NOP9: variants seen among roughly 807,000 people sequenced by gnomAD.
NOP9 encodes nucleolar protein 9.
Under a neutral mutation model 63.0 loss-of-function variants are expected in NOP9, and 50 were observed. That is an observed-to-expected ratio of 0.79 (90% confidence interval 0.63 to 1.00). NOP9 has a LOEUF of 1.00. NOP9 is among the 50% of genes least tolerant of loss of function. The pLI is 0.00. For synonymous variants in NOP9, 343 were observed against 332.8 expected (o/e 1.03, Z -0.33); for missense variants, 758 against 803.0 (o/e 0.94, Z 0.68).
At position 24,304,544 on chromosome 14, in the gene NOP9, G is replaced by A; in HGVS notation, c.1699G>A (p.Ala567Thr). 6.2e-7 allele frequency: 1 copy of A among 1,613,854 alleles called. No individual in the cohort carries two copies. Among genetic ancestry groups the A allele is most frequent in the Non-Finnish European group, 8.5e-7 (1 of 1,179,932 alleles). The part of the protein sequence containing the change: ...CSRHGSRVLD[A>T]IWSGAALRAR... ...TCGCCATGGCAGCCGTGTGCTAGATGCCATCTGGAGTGGAGCAGCCTTGAG... is the reference window on the plus strand; with the variant it reads ...TCGCCATGGCAGCCGTGTGCTAGATACCATCTGGAGTGGAGCAGCCTTGAG... The change falls in exon 9 of 10, where the codon GCC becomes ACC. Residue 567 changes from alanine (A) to threonine (T), a missense_variant. Ala to Thr is a moderately conservative substitution (Grantham distance 58). Coordinates refer to ENST00000267425, the MANE Select transcript of NOP9 (RefSeq NM_174913.3).
the NOP9 span, chr14:24,292,686 A>G: frequency 6.2e-7 from 1 of 1,614,220 alleles, no homozygotes; most frequent in Non-Finnish European, 8.5e-7. Context: ...GACATTGAAC[A>G]TATACTGCAG....
rs1594625127 is a variant in NOP9, at chr14:24,305,515, T to TG, written c.*424dup. On this transcript the variant is annotated 3_prime_UTR_variant, in exon 10 of 10. Coordinates refer to ENST00000267425, the MANE Select transcript of NOP9 (RefSeq NM_174913.3). ...CTGTCACGAGGGGATCAGAGGACAG[T>TG]GGGGAAATTGGGTGGGTTATCTAGC... 9.6e-6 allele frequency: 12 copies of TG among 1,255,884 alleles called. No individual in the cohort carries two copies. The East Asian group carries it at 2.3e-4, about 25-fold the overall frequency. The allele number at this position is 1,255,884 out of a possible 1,614,324, so 77.8% of individuals were successfully genotyped here.
the NOP9 span, among the ~76,000 whole-genome samples, chr14:24,281,235 G>A: frequency 6.6e-6 from 1 of 152,208 alleles, no homozygotes; most frequent in Non-Finnish European, 1.5e-5. Flanking sequence ...GGTGTGTGGG[G>A]CCGAGGCCAA....
upstream of NOP9, chr14:24,296,785 G>C: frequency 6.2e-7 from 1 of 1,614,228 alleles, no homozygotes; most frequent in South Asian, 1.1e-5. Flanking sequence ...AGACGCCCTT[G>C]CTGTTCCCGA....
chr14:24,300,897 G>A (rs1473178511), intron 2 of NOP9, 40 bp downstream of exon 2: 2 of 1,513,436 alleles, frequency 1.3e-6, no homozygotes, highest in Non-Finnish European at 1.8e-6. Flanking sequence ...GGGGGAAGAA[G>A]AATTTAGAAA....
Position 24,305,396 on chromosome 14 carries a change from G to A in NOP9, c.*301G>A. On this transcript the variant is annotated 3_prime_UTR_variant, in exon 10 of 10. Transcript: ENST00000267425. ...GGGACATCTTGATCTTGGCCTTTCA[G>A]GGCAAGTGGGAGGCCAGAAAGGTGG... The A allele has an allele frequency of 1.7e-6, 1 of 595,230 alleles. No homozygotes were observed. The highest frequency in any genetic ancestry group is 2.8e-6 in the Non-Finnish European group (1 of 358,096). 36.9% of individuals were successfully genotyped at this position (595,230 alleles called of 1,614,324 possible).
chr14:24,307,658 G>T lies in NOP9; in HGVS notation c.*2563G>T. 8.5e-7 allele frequency: 1 copy of T among 1,172,928 alleles called. No homozygotes were observed. The highest frequency in any genetic ancestry group is 1.2e-6 in the Non-Finnish European group (1 of 812,146). The allele number at this position is 1,172,928 out of a possible 1,614,324, so 72.7% of individuals were successfully genotyped here. A position where few individuals can be genotyped will look rare whatever the true frequency, so the allele number is the denominator to read the frequency against. The stretch of plus-strand genomic sequence containing the variant: ...AGGGATGAGGGAGAGACCATGGAGT[G>T]CAGGTGGGGGCGGGTGGCTCAGGAG... On this transcript the variant is annotated 3_prime_UTR_variant, in exon 10 of 10. Coordinates refer to ENST00000267425, the MANE Select transcript of NOP9 (RefSeq NM_174913.3).
At chr14:24,299,834 G>T (rs367797776), upstream of NOP9, 25 of 1,265,344 alleles carry the variant, frequency 2.0e-5, no homozygotes, top group Admixed American at 5.8e-5. Context: ...TGACGTAGTA[G>T]CTGCGTCAGG....
the NOP9 span, chr14:24,294,410 A>C: frequency 6.6e-6 from 1 of 152,134 alleles, no homozygotes; most frequent in Admixed American, 6.5e-5. Flanking sequence ...CAACACGGTG[A>C]AACCCCGTTC....
rs2139122818 is a variant in NOP9 at position 24,302,105 on chromosome 14, A to G, written c.949A>G (p.Ser317Gly). The change falls in exon 4 of 10, where the codon AGT (serine) becomes GGT (glycine). Residue 317 changes from serine to glycine, a missense_variant and splice_region_variant. Coordinates refer to ENST00000267425, the MANE Select transcript of NOP9 (RefSeq NM_174913.3). The stretch of plus-strand genomic sequence containing the variant: ...TACTCGCGGTTCCTCAGTAGATGGC[A>G]GGTATGGTCAGGGCCTCAGGATCGA... ...LSTRGSSVDG[S>G]PLLLFLRDQT... is the part of the protein sequence containing the mutation. 6.2e-7 allele frequency: 1 copy of G among 1,612,922 alleles called. No individual in the cohort carries two copies. Among genetic ancestry groups the G allele is most frequent in the East Asian group, 2.2e-5 (1 of 44,860 alleles).
Position 24,305,259 on chromosome 14 carries a change from C to G in NOP9, c.*164C>G. The stretch of plus-strand genomic sequence containing the variant: ...TGAGGGGAAGGGTATGAAGACAGAT[C>G]TCAAGGTAAAGTCAGAGAGGGCTGT... On this transcript the variant is annotated 3_prime_UTR_variant, in exon 10 of 10. Transcript: ENST00000267425. The G allele has an allele frequency of 1.3e-6, 1 of 773,910 alleles. No homozygotes were observed. The highest frequency in any genetic ancestry group is 1.9e-6 in the Non-Finnish European group (1 of 535,030). 47.9% of individuals were successfully genotyped at this position (773,910 alleles called of 1,614,324 possible).
rs201845272 is a variant in NOP9, at chr14:24,305,050, G to A, written c.1866G>A (p.Ala622=). Residue 622 remains alanine, a synonymous_variant, in exon 10 of 10, where the codon GCG becomes GCA. Transcript: ENST00000267425. The stretch of plus-strand genomic sequence containing the variant: ...AGGCTTGGGAACAGCAGCAGGGTGC[G>A]GTGGCCAAGCGGAGGCGGGCATTGA... ...RREAWEQQQG[A]VAKRRRALNS... 3.3e-5 allele frequency: 52 copies of A among 1,597,082 alleles called. No individual in the cohort carries two copies. The highest frequency in any genetic ancestry group is 1.7e-4 in the Middle Eastern group (1 of 6,008).
At chr14:24,271,247 G>A in the NOP9 span, 6 of 1,243,330 alleles carry the variant, frequency 4.8e-6, no homozygotes, top group African/African-American at 3.0e-5. Context: ...CAGCAAGCGT[G>A]CCTGGGCAGA....
At chr14:24,296,708 G>A (rs1038373689), upstream of NOP9, 8 of 1,614,070 alleles carry the variant, frequency 5.0e-6, no homozygotes, top group African/African-American at 6.7e-5. Flanking sequence ...GGTCAGAAAT[G>A]TGGAGTTGGG....
the NOP9 span, among the ~76,000 whole-genome samples, chr14:24,274,512 A>G: frequency 1.3e-5 from 2 of 150,936 alleles, no homozygotes; most frequent in African/African-American, 5.0e-5. Context: ...AACTGATGAT[A>G]ATAAGCCTCT....
upstream of NOP9, among the ~76,000 whole-genome samples, chr14:24,297,354 C>T (rs775297582): frequency 3.3e-5 from 5 of 152,174 alleles, no homozygotes; most frequent in Non-Finnish European, 5.9e-5. Flanking sequence ...TTGAAAAAAC[C>T]AAAGCTATCA....
chr14:24,300,454 A>G lies in NOP9; in HGVS notation c.294A>G (p.Leu98=). ...TGAAGGAAGTAGAGACTCAGGCCCT[A>G]GCTTTGTCCACGAACAGGACTGGCA... ...NIMKEVETQA[L]ALSTNRTGSE... is the part of the protein sequence containing the mutation. Residue 98 remains leucine (L), a synonymous_variant, in exon 2 of 10, where the codon CTA becomes CTG. Transcript: ENST00000267425. The G allele has an allele frequency of 1.2e-6, 2 of 1,614,148 alleles. No homozygotes were observed. The highest frequency in any genetic ancestry group is 1.7e-5 in the Admixed American group (1 of 60,024).
Position 24,302,479 on chromosome 14 carries a change from T to C in NOP9, c.1143+55T>C, listed in dbSNP as rs1408331451. 4 of 1,498,802 alleles carry C rather than the reference T, an allele frequency of 2.7e-6. No homozygotes were observed. In the African/African-American group the frequency reaches 5.5e-5, roughly 21 times the overall value. The allele number at this position is 1,498,802 out of a possible 1,614,324, so 92.8% of individuals were successfully genotyped here. A position where few individuals can be genotyped will look rare whatever the true frequency, so the allele number is the denominator to read the frequency against. On this transcript the variant is annotated intron_variant, in intron 5 of 9. Coordinates refer to ENST00000267425, the MANE Select transcript of NOP9 (RefSeq NM_174913.3). Reference sequence around the variant, plus strand: ...TCTGCTAATTCTTGATCACTGGACCTTATTTTATGGTCTGTCTGCCTCTAT... The same window carrying C: ...TCTGCTAATTCTTGATCACTGGACCCTATTTTATGGTCTGTCTGCCTCTAT...
rs1010349716 is a variant in NOP9, at chr14:24,299,897, T to C, written c.-58T>C. On this transcript the variant is annotated 5_prime_UTR_variant, in exon 1 of 10. Coordinates refer to ENST00000267425, the MANE Select transcript of NOP9 (RefSeq NM_174913.3). ...TGGATAAGGCGCACGCTTGGCGACGTCGAAGGTCCGTCCGCAGTTAAGGAA... is the reference window on the plus strand; with the variant it reads ...TGGATAAGGCGCACGCTTGGCGACGCCGAAGGTCCGTCCGCAGTTAAGGAA... 2.6e-5 allele frequency: 39 copies of C among 1,498,614 alleles called. No individual in the cohort carries two copies. The highest frequency in any genetic ancestry group is 8.0e-6 in the Non-Finnish European group (9 of 1,126,830). 92.8% of individuals were successfully genotyped at this position (1,498,614 alleles called of 1,614,324 possible).
Sources: gnomAD v4.1 joint callset for allele counts (sites outside exome capture counted in the v4.1 genomes callset) on GRCh38, gnomAD v4.1.1 for gene constraint, MANE v1.5 for transcripts, NCBI Gene and HGNC (gene_info 2026-07-23, HGNC 2026-07-21) for gene names.